The following ZNF644 variants were observed in gnomAD, a reference collection of about 807,000 sequenced individuals.
ZNF644 encodes zinc finger motif enhancer binding protein 2.
A neutral mutation model predicts 108.0 loss-of-function variants in ZNF644; 20 were observed. That is an observed-to-expected ratio of 0.19 (90% CI 0.13 to 0.27). The LOEUF is 0.27. Among genes scored for constraint, ZNF644 ranks in the 10% least tolerant of loss-of-function variants. The pLI is 1.00. For missense variants in ZNF644, 1,338 were observed against 1,548.9 expected (o/e 0.86, Z 2.29); for synonymous variants, 542 against 539.1 (o/e 1.01, Z -0.08).
intron 2 of ZNF644, among the ~76,000 whole-genome samples, chr1:90,947,649 C>A (rs1652662356): frequency 6.6e-6 from 1 of 152,006 alleles, no homozygotes; most frequent in East Asian, 1.9e-4. Context: ...ACTATCATAT[C>A]TAATAAATTC....
intron 4 of ZNF644, among the ~76,000 whole-genome samples, chr1:90,922,564 G>T (rs958892338): frequency 1.3e-5 from 2 of 152,072 alleles, no homozygotes; most frequent in African/African-American, 4.8e-5. Context: ...ATACACAAGT[G>T]TAAGAAAAAT....
At chr1:90,942,476 C>T (rs940550663) in intron 2 of ZNF644, among the ~76,000 whole-genome samples, 1 of 152,052 alleles carries the variant, frequency 6.6e-6, no homozygotes, top group African/African-American at 2.4e-5. Context: ...TCTTTGAGGG[C>T]TGGGAATGTA....
intron 1 of ZNF644, among the ~76,000 whole-genome samples, chr1:90,989,485 G>A (rs1657428695): frequency 6.6e-6 from 1 of 152,198 alleles, no homozygotes; most frequent in African/African-American, 2.4e-5. Context: ...CAAAGCTGGA[G>A]TGAGCCATAA....
At position 90,938,111 on chromosome 1, in the gene ZNF644, G is replaced by C; in HGVS notation, c.3083-21C>G. On this transcript the variant is annotated intron_variant, in intron 3 of 5. Transcript: ENST00000337393. The surrounding 1 kb of genome is among the most constrained non-coding windows in gnomAD (Gnocchi z 4.2). ...TATAGCTAGAAAAAAATTTTTAAGA[G>C]TAATATCAGACTTTCTTATATAAAC... 1 of 1,610,086 alleles carries C rather than the reference G, an allele frequency of 6.2e-7. No individual in the cohort carries two copies. Among genetic ancestry groups the C allele is most frequent in the Non-Finnish European group, 8.5e-7 (1 of 1,178,924 alleles).
Position 90,941,050 on chromosome 1 carries a change from T to C in ZNF644, c.304A>G (p.Thr102Ala), listed in dbSNP as rs373759113. The C allele has an allele frequency of 1.1e-5, 18 of 1,614,040 alleles. No homozygotes were observed. The highest frequency in any genetic ancestry group is 9.3e-5 in the African/African-American group (7 of 74,940). ...SSLFIHAGAP[T>A]VSSENFILPK... ...AAGATAAAGTTTTCACTAGAAACAGTAGGAGCACCAGCATGTATAAATAGA... is the reference window on the plus strand; with the variant it reads ...AAGATAAAGTTTTCACTAGAAACAGCAGGAGCACCAGCATGTATAAATAGA... The change falls in exon 3 of 6, where the codon ACT becomes GCT. Residue 102 changes from threonine (T) to alanine (A), a missense_variant. Around this residue, in one of 6 missense-constraint regions of ZNF644, gnomAD observed 464 missense variants for 457.9 expected, o/e 1.01. Transcript: ENST00000337393.
At chr1:90,942,300 A>C (rs1337735106) in intron 2 of ZNF644, among the ~76,000 whole-genome samples, 1 of 152,212 alleles carries the variant, frequency 6.6e-6, no homozygotes, top group Non-Finnish European at 1.5e-5. Flanking sequence ...ATGAGAAAAA[A>C]GTACAATATT....
At chr1:90,952,582 T>C (rs1238052297) in intron 2 of ZNF644, among the ~76,000 whole-genome samples, 5 of 151,722 alleles carry the variant, frequency 3.3e-5, no homozygotes, top group Admixed American at 2.0e-4. Flanking sequence ...CTGGCCACTA[T>C]GTAACAAAGC....
chr1:90,921,038 T>C (rs902471486), intron 4 of ZNF644, among the ~76,000 whole-genome samples: 11 of 152,150 alleles, frequency 7.2e-5, no homozygotes, highest in Non-Finnish European at 1.3e-4. Flanking sequence ...ATTTAACATA[T>C]TAAAACTGCA....
chr1:90,929,032 A>G (rs975089870), intron 4 of ZNF644, among the ~76,000 whole-genome samples: 36 of 152,158 alleles, frequency 2.4e-4, no homozygotes, highest in Non-Finnish European at 1.5e-5. Context: ...TGTTGAATGA[A>G]TAAAATTTTG....
In ZNF644 at chr1:90,938,789, T is replaced by C. The variant is rs753224993; in HGVS notation, c.2565A>G (p.Thr855=). The C allele has an allele frequency of 1.2e-5, 20 of 1,613,884 alleles. No individual in the cohort carries two copies. In the East Asian group the frequency reaches 3.3e-4, roughly 27 times the overall value. Residue 855 remains threonine, a synonymous_variant, in exon 3 of 6, where the codon ACA becomes ACG. Transcript: ENST00000337393. This position sits in a 1 kb window ranked among gnomAD's most constrained non-coding sequence, Gnocchi z 4.2. ...CATTATCCCAGGAACTTTCATCTTC[T>C]GTTTCATAACTATCTTTCTTTTCAG... The part of the protein sequence containing the change: ...NSAEKKDSYE[T]EDESSWDNVE...
At chr1:90,991,477 T>C (rs1177039470) in intron 1 of ZNF644, among the ~76,000 whole-genome samples, 1 of 152,196 alleles carries the variant, frequency 6.6e-6, no homozygotes, top group African/African-American at 2.4e-5. Context: ...AATGATGTAT[T>C]AGTCCATTCT....
chr1:90,937,847 T>A lies in ZNF644; in HGVS notation c.3326A>T (p.Gln1109Leu). Reference sequence around the variant, plus strand: ...AAAGTCATCACTTGATGCAAGTTTTTGAGCTACAAATGGTCTGGGAATAAT... The same window carrying A: ...AAAGTCATCACTTGATGCAAGTTTTAGAGCTACAAATGGTCTGGGAATAAT... ...RRIIPRPFVA[Q>L]KLASSDDFIS... The change falls in exon 4 of 6, where the codon CAA (glutamine) becomes CTA (leucine). Residue 1109 changes from glutamine to leucine, a missense_variant. Around this residue, in one of 6 missense-constraint regions of ZNF644, gnomAD observed 287 missense variants for 310.9 expected, o/e 0.92. Transcript: ENST00000337393. 2 of 1,613,928 alleles carry A rather than the reference T, an allele frequency of 1.2e-6. No individual in the cohort carries two copies.
intron 1 of ZNF644, among the ~76,000 whole-genome samples, chr1:91,000,235 A>T (rs1395071326): frequency 1.3e-5 from 2 of 152,332 alleles, no homozygotes; most frequent in African/African-American, 4.8e-5. Flanking sequence ...CAGAATATAC[A>T]TTCTTTTCAA....
intron 4 of ZNF644, among the ~76,000 whole-genome samples, chr1:90,933,590 G>A (rs1018560401): frequency 7.9e-5 from 12 of 152,114 alleles, no homozygotes; most frequent in Admixed American, 2.6e-4. Context: ...CTTGAACCAG[G>A]GAGGTGGAGG....
chr1:90,996,766 C>G (rs1216472168), intron 1 of ZNF644, among the ~76,000 whole-genome samples: 2 of 152,142 alleles, frequency 1.3e-5, no homozygotes, highest in Admixed American at 6.5e-5. Context: ...GAGCACAGAG[C>G]CAGGCCCCAC....
chr1:90,934,665 A>T (rs1363142011), intron 4 of ZNF644, among the ~76,000 whole-genome samples: 8 of 152,252 alleles, frequency 5.3e-5, no homozygotes, highest in Admixed American at 5.2e-4. Flanking sequence ...AAAATAACAC[A>T]GAAATGTGCA....
At chr1:91,008,797 G>A (rs141393903) in intron 1 of ZNF644, among the ~76,000 whole-genome samples, 1 of 152,176 alleles carries the variant, frequency 6.6e-6, no homozygotes, top group Non-Finnish European at 1.5e-5. Context: ...ACTTGCTGCA[G>A]TTAAATGGTA....
At chr1:90,944,482 A>G (rs1354776072) in intron 2 of ZNF644, among the ~76,000 whole-genome samples, 4 of 152,038 alleles carry the variant, frequency 2.6e-5, no homozygotes, top group African/African-American at 7.3e-5. Context: ...CTTCACATCC[A>G]CATAATAAAA....
chr1:90,933,489 C>G (rs550249257), intron 4 of ZNF644, among the ~76,000 whole-genome samples: 1 of 151,992 alleles, frequency 6.6e-6, no homozygotes, highest in African/African-American at 2.4e-5. Flanking sequence ...TGGTAAAACC[C>G]CATCTCTACT....
Sources: gnomAD v4.1 joint callset for allele counts (sites outside exome capture counted in the v4.1 genomes callset) on GRCh38, gnomAD v4.1.1 for gene constraint, gnomAD v4.1.1 regional missense constraint, Gnocchi (gnomAD v3.1) non-coding constraint, MANE v1.5 for transcripts, NCBI Gene and HGNC (gene_info 2026-07-23, HGNC 2026-07-21) for gene names.